AOC1: variants seen among roughly 807,000 people sequenced by gnomAD.
AOC1 encodes diamine oxidase [copper-containing].
AOC1 carries 58 observed loss-of-function variants against 57.1 expected under a neutral mutation model. The ratio of observed to expected loss-of-function variants is 1.02; its 90% CI spans 0.82 to 1.26. AOC1 has a LOEUF of 1.26. Among genes scored for constraint, AOC1 ranks in the 50% most tolerant of loss-of-function variants. AOC1 has a pLI of 0.00. For missense variants in AOC1, 917 were observed against 1,005.3 expected, an observed-to-expected ratio of 0.91 and a Z score of 1.19; for synonymous variants, 401 against 423.4, an observed-to-expected ratio of 0.95 and a Z score of 0.65.
At position 150,857,164 on chromosome 7, in the gene AOC1, G is replaced by C; in HGVS notation, c.694G>C (p.Ala232Pro). ...TGGGAGCACAGATGCTGGGCACTGGGCCGTGGAGCAGGTGTGGTACAACGG... is the reference window on the plus strand; with the variant it reads ...TGGGAGCACAGATGCTGGGCACTGGCCCGTGGAGCAGGTGTGGTACAACGG... The part of the protein sequence containing the change: ...DHGSTDAGHW[A>P]VEQVWYNGKF... Residue 232 changes from alanine to proline, a missense_variant, in exon 2 of 5, where the codon GCC (alanine) becomes CCC (proline). Ala to Pro is a conservative substitution (Grantham distance 27). Transcript: ENST00000360937. The surrounding 1 kb of genome is among the most constrained non-coding windows in gnomAD (Gnocchi z 6.6). 6.2e-7 allele frequency: 1 copy of C among 1,613,916 alleles called. No homozygotes were observed. The highest frequency in any genetic ancestry group is 8.5e-7 in the Non-Finnish European group (1 of 1,179,950).
chr7:150,854,181 G>A (rs1207988304), intron 1 of AOC1: 1 of 152,184 alleles, frequency 6.6e-6, no homozygotes, highest in Non-Finnish European at 1.5e-5. Context: ...GGGCCTCCGA[G>A]AGCCCAAGAT....
In AOC1 at chr7:150,861,136, G is replaced by C; in HGVS notation, c.2183G>C (p.Arg728Pro). 1 of 1,614,072 alleles carries C rather than the reference G, an allele frequency of 6.2e-7. No homozygotes were observed. Among genetic ancestry groups the C allele is most frequent in the Non-Finnish European group, 8.5e-7 (1 of 1,179,938 alleles). The change falls in exon 5 of 5, where the codon CGC becomes CCC. Residue 728 changes from arginine (R) to proline (P), a missense_variant. Coordinates refer to ENST00000360937, the MANE Select transcript of AOC1 (RefSeq NM_001091.4). This position sits in a 1 kb window ranked among gnomAD's most constrained non-coding sequence, Gnocchi z 4.5. Reference sequence around the variant, plus strand: ...GACAACGGCCCCAACTACGTCCAGCGCTGGATCCCTGAGGACAGGGACTGC... The same window carrying C: ...GACAACGGCCCCAACTACGTCCAGCCCTGGATCCCTGAGGACAGGGACTGC... Reference protein sequence around the residue: ...PRDNGPNYVQRWIPEDRDCSM... With the variant: ...PRDNGPNYVQPWIPEDRDCSM...
rs551379775 is a variant in AOC1 at position 150,861,370 on chromosome 7, G to A, written c.*161G>A. On this transcript the variant is annotated 3_prime_UTR_variant, in exon 5 of 5. Coordinates refer to ENST00000360937, the MANE Select transcript of AOC1 (RefSeq NM_001091.4). The surrounding 1 kb of genome is among the most constrained non-coding windows in gnomAD (Gnocchi z 4.5). ...CGAACAGACGTGCACACACACAGAC[G>A]TGCACACACACACAGACATGCACAC... The A allele has an allele frequency of 5.2e-4, 389 of 744,824 alleles. 2 individuals carry two copies. The highest frequency in any genetic ancestry group is 3.1e-4 in the Middle Eastern group (1 of 3,206). 46.1% of individuals were successfully genotyped at this position (744,824 alleles called of 1,614,324 possible).
At position 150,856,483 on chromosome 7, in the gene AOC1, G is replaced by A. The variant is rs1799778216; in HGVS notation, c.13G>A (p.Gly5Ser). ...CGTGGAGCGAGAGATGCCGGCCCTG[G>A]GCTGGGCCGTGGCTGCCATCCTGAT... MPALGWAVAAILMLQ... is the reference protein window; with the variant it reads MPALSWAVAAILMLQ... The change falls in exon 2 of 5, where the codon GGC becomes AGC. Residue 5 changes from glycine to serine, a missense_variant. Gly to Ser is a moderately conservative substitution (Grantham distance 56, BLOSUM62 0). Coordinates refer to ENST00000360937, the MANE Select transcript of AOC1 (RefSeq NM_001091.4). This position sits in a 1 kb window ranked among gnomAD's most constrained non-coding sequence, Gnocchi z 5.2. 8.7e-6 allele frequency: 14 copies of A among 1,613,240 alleles called. No homozygotes were observed. In the South Asian group the frequency reaches 1.4e-4, roughly 16 times the overall value.
In AOC1 at chr7:150,861,403, G is replaced by C. The variant is rs1799966171; in HGVS notation, c.*194G>C. The C allele has an allele frequency of 1.7e-6, 1 of 592,130 alleles. No individual in the cohort carries two copies. The highest frequency in any genetic ancestry group is 1.8e-5 in the African/African-American group (1 of 54,290). The allele number at this position is 592,130 out of a possible 1,614,324, so 36.7% of individuals were successfully genotyped here. A position where few individuals can be genotyped will look rare whatever the true frequency, so the allele number is the denominator to read the frequency against. On this transcript the variant is annotated 3_prime_UTR_variant, in exon 5 of 5. Coordinates refer to ENST00000360937, the MANE Select transcript of AOC1 (RefSeq NM_001091.4). The surrounding 1 kb of genome is among the most constrained non-coding windows in gnomAD (Gnocchi z 4.5). ...ACACACAGACATGCACACACACACA[G>C]ACGTGCACACACACAGACGTGCACG... is the stretch of plus-strand genomic sequence containing the variant.
Position 150,857,753 on chromosome 7 carries a change from G to T in AOC1, c.1283G>T (p.Arg428Leu). ...LFEMPTGVPL[R>L]RHFNSNFKGG... ...GAAATGCCCACAGGGGTGCCCCTTC[G>T]GCGGCACTTTAATTCCAACTTTAAA... Residue 428 changes from arginine to leucine, a missense_variant, in exon 2 of 5, where the codon CGG (arginine) becomes CTG (leucine). Arg to Leu is a moderately radical substitution (Grantham distance 102). Coordinates refer to ENST00000360937, the MANE Select transcript of AOC1 (RefSeq NM_001091.4). The surrounding 1 kb of genome is among the most constrained non-coding windows in gnomAD (Gnocchi z 6.6). 1 of 1,614,156 alleles carries T rather than the reference G, an allele frequency of 6.2e-7. No individual in the cohort carries two copies. Among genetic ancestry groups the T allele is most frequent in the Non-Finnish European group, 8.5e-7 (1 of 1,180,006 alleles).
intron 3 of AOC1, 99 bp from the exon 4 acceptor site, chr7:150,860,402 T>C: frequency 6.3e-7 from 1 of 1,580,416 alleles, no homozygotes; most frequent in Non-Finnish European, 8.6e-7. Context: ...GGGAAGGCAA[T>C]CATCTTCCTC....
At position 150,861,420 on chromosome 7, in the gene AOC1, A is replaced by G. The variant is rs1799966836; in HGVS notation, c.*211A>G. ...CACACACAGACGTGCACACACACAG[A>G]CGTGCACGCACTCACACGGACATGC... is the stretch of plus-strand genomic sequence containing the variant. On this transcript the variant is annotated 3_prime_UTR_variant, in exon 5 of 5. Transcript: ENST00000360937. This position sits in a 1 kb window ranked among gnomAD's most constrained non-coding sequence, Gnocchi z 4.5. 4 of 532,764 alleles carry G rather than the reference A, an allele frequency of 7.5e-6. No homozygotes were observed. The highest frequency in any genetic ancestry group is 6.5e-5 in the Admixed American group (2 of 30,726). The allele number at this position is 532,764 out of a possible 1,614,324, so 33.0% of individuals were successfully genotyped here.
rs551775311 is a variant in AOC1, at chr7:150,861,408, G to GCA, written c.*208_*209dup. 3 of 579,590 alleles carry GCA rather than the reference G, an allele frequency of 5.2e-6. No individual in the cohort carries two copies. The highest frequency in any genetic ancestry group is 1.8e-5 in the African/African-American group (1 of 54,178). 35.9% of individuals were successfully genotyped at this position (579,590 alleles called of 1,614,324 possible). On this transcript the variant is annotated 3_prime_UTR_variant, in exon 5 of 5. Transcript: ENST00000360937. The surrounding 1 kb of genome is among the most constrained non-coding windows in gnomAD (Gnocchi z 4.5). Reference sequence around the variant, plus strand: ...CAGACATGCACACACACACAGACGTGCACACACACAGACGTGCACGCACTC... The same window carrying GCA: ...CAGACATGCACACACACACAGACGTGCACACACACACAGACGTGCACGCACTC...
intron 2 of AOC1, 133 bp from the exon 3 acceptor site, chr7:150,858,630 A>T: frequency 1.0e-6 from 1 of 989,452 alleles, no homozygotes. Context: ...CGCCCAGGGC[A>T]TCCCCCAACA....
At position 150,858,055 on chromosome 7, in the gene AOC1, G is replaced by A. The variant is rs768291715; in HGVS notation, c.1570+15G>A. On this transcript the variant is annotated intron_variant, in intron 2 of 4. Transcript: ENST00000360937. The stretch of plus-strand genomic sequence containing the variant: ...GGATGTGGCAGGTAGGACTCAAAGC[G>A]AGACTCTCCCGTTCAAACATCTGCA... 34 of 1,502,238 alleles carry A rather than the reference G, an allele frequency of 2.3e-5. No individual in the cohort carries two copies. The Admixed American group carries it at 3.5e-4, about 16-fold the overall frequency. The allele number at this position is 1,502,238 out of a possible 1,614,324, so 93.1% of individuals were successfully genotyped here.
intron 2 of AOC1, among the ~76,000 whole-genome samples, chr7:150,858,243 AAC>A (rs1251057881): frequency 2.6e-5 from 4 of 152,190 alleles, no homozygotes; most frequent in African/African-American, 9.6e-5. Context: ...CCCTGGATGC[AAC>A]AGTGTGGACC....
In AOC1 at chr7:150,852,879, A is replaced by G. The variant is rs924818275; in HGVS notation, c.-17+321A>G. Among the ~76,000 whole-genome samples, 1 of 152,168 alleles carries G rather than the reference A, an allele frequency of 6.6e-6. No individual in the cohort carries two copies. The highest frequency in any genetic ancestry group is 1.5e-5 in the Non-Finnish European group (1 of 68,026). ...ATGGGGACAGAGGTTTGTCCTGGGG[A>G]AAGCAAAGGTCTCTTCCACATCTTT... is the stretch of plus-strand genomic sequence containing the variant. On this transcript the variant is annotated intron_variant, in intron 1 of 4. Coordinates refer to ENST00000360937, the MANE Select transcript of AOC1 (RefSeq NM_001091.4). The surrounding 1 kb of genome is among the most constrained non-coding windows in gnomAD (Gnocchi z 4.6).
At chr7:150,859,155 T>C (rs1799888801) in intron 3 of AOC1, 107 bp downstream of exon 3, 11 of 1,239,942 alleles carry the variant, frequency 8.9e-6, no homozygotes, top group Middle Eastern at 5.7e-4. Flanking sequence ...TATGTGGATA[T>C]ACACATATAC....
chr7:150,854,547 T>C (rs1226459164), intron 1 of AOC1, among the ~76,000 whole-genome samples: 1 of 151,984 alleles, frequency 6.6e-6, no homozygotes, highest in Non-Finnish European at 1.5e-5. Context: ...TCAGCTGACC[T>C]CAAAAGGTGG....
At position 150,860,493 on chromosome 7, in the gene AOC1, C is replaced by G; in HGVS notation, c.1857-8C>G. On this transcript the variant is annotated splice_polypyrimidine_tract_variant and splice_region_variant and intron_variant, in intron 3 of 4. Coordinates refer to ENST00000360937, the MANE Select transcript of AOC1 (RefSeq NM_001091.4). ...CCTGAGCCAAGCTGCTTCGCCTGTGCCTGGCAGGTACCCCCTGGCAGTGAC... is the reference window on the plus strand; with the variant it reads ...CCTGAGCCAAGCTGCTTCGCCTGTGGCTGGCAGGTACCCCCTGGCAGTGAC... 1 of 1,613,822 alleles carries G rather than the reference C, an allele frequency of 6.2e-7. No homozygotes were observed. The highest frequency in any genetic ancestry group is 2.2e-5 in the East Asian group (1 of 44,842).
At position 150,856,993 on chromosome 7, in the gene AOC1, C is replaced by A. The variant is rs1799796746; in HGVS notation, c.523C>A (p.Gln175Lys). 2.5e-6 allele frequency: 4 copies of A among 1,614,190 alleles called. No individual in the cohort carries two copies. In the East Asian group the frequency reaches 8.9e-5, roughly 36 times the overall value. Residue 175 changes from glutamine (Q) to lysine (K), a missense_variant, in exon 2 of 5, where the codon CAA (glutamine) becomes AAA (lysine). Physicochemically the swap from Gln to Lys is moderately conservative, Grantham distance 53. Coordinates refer to ENST00000360937, the MANE Select transcript of AOC1 (RefSeq NM_001091.4). The surrounding 1 kb of genome is among the most constrained non-coding windows in gnomAD (Gnocchi z 5.2). ...FFLNTTGFSF[Q>K]DCHDRCLAFT... Reference sequence around the variant, plus strand: ...CCTCAATACCACAGGCTTCTCATTCCAAGACTGCCATGACAGATGCCTGGC... The same window carrying A: ...CCTCAATACCACAGGCTTCTCATTCAAAGACTGCCATGACAGATGCCTGGC...
At position 150,857,187 on chromosome 7, in the gene AOC1, C is replaced by T. The variant is rs756319025; in HGVS notation, c.717C>T (p.Asn239=). The change falls in exon 2 of 5, where the codon AAC becomes AAT. Residue 239 remains asparagine (N), a synonymous_variant. Transcript: ENST00000360937. This position sits in a 1 kb window ranked among gnomAD's most constrained non-coding sequence, Gnocchi z 6.6. ...GHWAVEQVWY[N]GKFYGSPEEL... ...GGGCCGTGGAGCAGGTGTGGTACAA[C>T]GGGAAGTTCTATGGGAGCCCAGAGG... The T allele has an allele frequency of 2.1e-5, 34 of 1,613,160 alleles. No individual in the cohort carries two copies. Among genetic ancestry groups the T allele is most frequent in the Middle Eastern group, 1.7e-4 (1 of 6,058 alleles).
chr7:150,857,932 A>G lies in AOC1; in HGVS notation c.1462A>G (p.Thr488Ala). The change falls in exon 2 of 5, where the codon ACC becomes GCC. Residue 488 changes from threonine to alanine, a missense_variant. Coordinates refer to ENST00000360937, the MANE Select transcript of AOC1 (RefSeq NM_001091.4). The surrounding 1 kb of genome is among the most constrained non-coding windows in gnomAD (Gnocchi z 6.6). ...KMHATGYVHA[T>A]FYTPEGLRHG... Reference sequence around the variant, plus strand: ...GCATGCCACTGGCTACGTCCACGCCACCTTCTACACCCCCGAGGGGCTGCG... The same window carrying G: ...GCATGCCACTGGCTACGTCCACGCCGCCTTCTACACCCCCGAGGGGCTGCG... The G allele has an allele frequency of 6.2e-7, 1 of 1,611,152 alleles. No homozygotes were observed. The highest frequency in any genetic ancestry group is 8.5e-7 in the Non-Finnish European group (1 of 1,179,340).
Sources: allele counts gnomAD v4.1 joint callset (sites outside exome capture counted in the v4.1 genomes callset), GRCh38; gene constraint gnomAD v4.1.1; non-coding constraint Gnocchi (gnomAD v3.1); transcripts MANE v1.5; gene names NCBI Gene and HGNC (gene_info 2026-07-23, HGNC 2026-07-21).